The following NCKAP5 variants were observed in gnomAD, a reference collection of about 807,000 sequenced individuals.
The protein encoded by NCKAP5 is NCK associated protein 5.
NCKAP5 carries 92 observed loss-of-function variants against 167.0 expected under a neutral mutation model. The ratio of observed to expected loss-of-function variants is 0.55; its 90% CI spans 0.47 to 0.66. NCKAP5 has a LOEUF of 0.66. NCKAP5 is among the 30% of genes least tolerant of loss of function. NCKAP5 has a pLI of 0.00. For missense variants in NCKAP5, 2,378 were observed against 2,315.0 expected (o/e 1.03, Z -0.56); for synonymous variants, 891 against 877.4 (o/e 1.02, Z -0.27).
At chr2:132,832,375 A>G (rs774214334) in intron 11 of NCKAP5, among the ~76,000 whole-genome samples, 2 of 152,110 alleles carry the variant, frequency 1.3e-5, no homozygotes, top group African/African-American at 4.8e-5. Context: ...GTTTGGTTTT[A>G]TATATGTTTT....
intron 2 of NCKAP5, chr2:133,526,977 T>C (rs1684976080): frequency 1.3e-5 from 2 of 152,094 alleles, no homozygotes; most frequent in African/African-American, 4.8e-5. Context: ...ATTAGAAAAA[T>C]TCCACTGCCA....
intron 5 of NCKAP5, among the ~76,000 whole-genome samples, chr2:133,168,280 ATTTTTTT>A (rs35632445): frequency 8.7e-5 from 11 of 126,010 alleles, no homozygotes; most frequent in Admixed American, 1.6e-4. Context: ...AACTGATAAC[ATTTTTTT>A]TTTTTTTTTT....
the NCKAP5 span, among the ~76,000 whole-genome samples, chr2:133,611,528 C>G: frequency 6.8e-3 from 1,033 of 152,290 alleles, 6 homozygotes; most frequent in Non-Finnish European, 0.011. Context: ...AGAGACAAAG[C>G]ATACTCCTCT....
At chr2:133,069,670 C>T (rs1304593242) in intron 6 of NCKAP5, among the ~76,000 whole-genome samples, 1 of 151,988 alleles carries the variant, frequency 6.6e-6, no homozygotes, top group East Asian at 1.9e-4. Flanking sequence ...CCTCCCTGGC[C>T]CCATTAGATG....
chr2:133,194,614 T>C (rs1046125142), intron 5 of NCKAP5, among the ~76,000 whole-genome samples: 2 of 152,038 alleles, frequency 1.3e-5, no homozygotes, highest in Admixed American at 1.3e-4. Flanking sequence ...TATCCCCGTG[T>C]TTCCTATTTC....
intron 6 of NCKAP5, among the ~76,000 whole-genome samples, chr2:133,066,881 T>C (rs2080218099): frequency 6.6e-6 from 1 of 152,194 alleles, no homozygotes; most frequent in African/African-American, 2.4e-5. Flanking sequence ...TCCAGAGCGA[T>C]TATCTCAATT....
At chr2:132,731,159 T>A (rs1199770051) in intron 17 of NCKAP5, among the ~76,000 whole-genome samples, 1 of 152,220 alleles carries the variant, frequency 6.6e-6, no homozygotes, top group Non-Finnish European at 1.5e-5. Context: ...GAAAAACTGA[T>A]GACCCTTAGC....
intron 2 of NCKAP5, among the ~76,000 whole-genome samples, chr2:133,549,766 A>T (rs1222180742): frequency 6.6e-6 from 1 of 150,672 alleles, no homozygotes; most frequent in African/African-American, 2.4e-5. Context: ...TGAAGGAAAT[A>T]GAGACACAAA....
At chr2:133,392,670 C>T (rs1687491438) in intron 3 of NCKAP5, among the ~76,000 whole-genome samples, 1 of 152,064 alleles carries the variant, frequency 6.6e-6, no homozygotes, top group African/African-American at 2.4e-5. Flanking sequence ...ACATAGGTTC[C>T]TCCCCTTAAT....
chr2:132,939,878 T>C (rs1256535816), intron 8 of NCKAP5, among the ~76,000 whole-genome samples: 2 of 152,108 alleles, frequency 1.3e-5, no homozygotes, highest in East Asian at 1.9e-4. Context: ...TGGGTGCCTG[T>C]AACTCTAGCT....
chr2:132,907,101 TC>T (rs1694063208), intron 8 of NCKAP5, among the ~76,000 whole-genome samples: 3 of 152,336 alleles, frequency 2.0e-5, no homozygotes. Context: ...TTTAGCCTTT[TC>T]CTAACATTAT....
At chr2:133,036,626 T>C (rs72996867) in intron 6 of NCKAP5, among the ~76,000 whole-genome samples, 4,868 of 152,062 alleles carry the variant, frequency 0.032, 249 homozygotes, top group African/African-American at 0.11. Flanking sequence ...CATCACTTCA[T>C]GATAAACACC....
chr2:133,398,029 TG>T (rs779018433), intron 3 of NCKAP5, among the ~76,000 whole-genome samples: 7 of 152,042 alleles, frequency 4.6e-5, no homozygotes, highest in Non-Finnish European at 8.8e-5. Context: ...AAGCAGGCTC[TG>T]GGGTGGGTAG....
At chr2:133,240,187 A>G (rs2087618185) in intron 4 of NCKAP5, among the ~76,000 whole-genome samples, 1 of 152,232 alleles carries the variant, frequency 6.6e-6, no homozygotes, top group Non-Finnish European at 1.5e-5. Flanking sequence ...AAAATCCAAA[A>G]TTAATGTGAA....
chr2:133,158,014 C>G (rs996556994), intron 5 of NCKAP5, among the ~76,000 whole-genome samples: 12 of 152,076 alleles, frequency 7.9e-5, no homozygotes, highest in African/African-American at 2.9e-4. Context: ...CATGTTGTAT[C>G]ATAAAAATAT....
At chr2:133,202,820 C>T (rs533689078) in intron 5 of NCKAP5, among the ~76,000 whole-genome samples, 9 of 152,202 alleles carry the variant, frequency 5.9e-5, no homozygotes, top group Middle Eastern at 3.4e-3. Context: ...CAGAGAAATG[C>T]AAATCAAAAC....
intron 5 of NCKAP5, among the ~76,000 whole-genome samples, chr2:133,199,129 A>C (rs556146110): frequency 2.2e-4 from 34 of 152,186 alleles, no homozygotes; most frequent in African/African-American, 8.2e-4. Flanking sequence ...TGGACCTAAA[A>C]CATAAAATCT....
the NCKAP5 span, among the ~76,000 whole-genome samples, chr2:133,647,430 G>GGA: frequency 0.013 from 1,129 of 83,670 alleles, 70 homozygotes; most frequent in African/African-American, 0.024. Flanking sequence ...AGAAAGAAAG[G>GGA]AAGAAAGAAA....
chr2:133,013,717 T>C lies in NCKAP5; in HGVS notation c.342-19478A>G, dbSNP rs572464963. ...CTAATTCAGGGACCACAGCTCAGCC[T>C]GAACTTGACAGCCATTAGAGGCCCT... On this transcript the variant is annotated intron_variant, in intron 6 of 19. Transcript: ENST00000409261. Among the ~76,000 whole-genome samples, 27 of 152,304 alleles carry C rather than the reference T, an allele frequency of 1.8e-4. No individual in the cohort carries two copies. In the East Asian group the frequency reaches 5.0e-3, roughly 28 times the overall value.
Sources: allele counts gnomAD v4.1 joint callset (sites outside exome capture counted in the v4.1 genomes callset), GRCh38; gene constraint gnomAD v4.1.1; transcripts MANE v1.5; gene names NCBI Gene and HGNC (gene_info 2026-07-23, HGNC 2026-07-21).